Variants in HECTD2 observed in about 807,000 individuals in gnomAD.
HECTD2 encodes the protein HECT domain E3 ubiquitin protein ligase 2, also known as probable E3 ubiquitin-protein ligase HECTD2.
Under a neutral mutation model 103.2 loss-of-function variants are expected in HECTD2, and 35 were observed. The observed-to-expected ratio is 0.34, with a 90% CI of 0.26 to 0.45. The LOEUF (loss-of-function observed/expected upper bound fraction) is 0.45, where lower values mean the gene tolerates loss of function less well. HECTD2 is among the 20% of genes least tolerant of loss of function. The pLI is 1.00. For synonymous variants in HECTD2, 281 were observed against 329.9 expected (o/e 0.85, Z 1.61); for missense variants, 596 against 937.4 (o/e 0.64, Z 4.76).
chr10:91,455,276 G>A (rs1845033211), intron 2 of HECTD2, among the ~76,000 whole-genome samples: 1 of 152,176 alleles, frequency 6.6e-6, no homozygotes, highest in African/African-American at 2.4e-5. Flanking sequence ...CTGGGTGTGA[G>A]ATGGTATCTC....
intron 2 of HECTD2, among the ~76,000 whole-genome samples, chr10:91,445,314 A>T (rs767731586): frequency 2.6e-5 from 4 of 152,158 alleles, no homozygotes; most frequent in African/African-American, 4.8e-5. Flanking sequence ...AGTAGGAAGA[A>T]CCTGGGCTTC....
At chr10:91,457,707 G>A (rs1277338993) in intron 2 of HECTD2, among the ~76,000 whole-genome samples, 1 of 151,992 alleles carries the variant, frequency 6.6e-6, no homozygotes, top group Non-Finnish European at 1.5e-5. Flanking sequence ...ATGTAGTTGT[G>A]AAAGACTGAA....
chr10:91,444,017 C>T (rs943160082), intron 2 of HECTD2, among the ~76,000 whole-genome samples: 2 of 152,094 alleles, frequency 1.3e-5, no homozygotes, highest in African/African-American at 4.8e-5. Flanking sequence ...AAAAGGGCAT[C>T]TCAGCAGCAG....
chr10:91,468,927 C>T (rs1845624547), intron 5 of HECTD2, among the ~76,000 whole-genome samples: 1 of 116,682 alleles, frequency 8.6e-6, no homozygotes, highest in South Asian at 2.8e-4. Context: ...CAGAGTTAGA[C>T]ACTGTCTCAC....
intron 20 of HECTD2, among the ~76,000 whole-genome samples, chr10:91,506,480 A>G (rs1279511877): frequency 6.6e-6 from 1 of 151,802 alleles, no homozygotes. Context: ...CTACCATCAG[A>G]GAATACTACA....
rs1355217920 is a variant in HECTD2 at position 91,513,963 on chromosome 10, G to A, written c.*1579G>A. On this transcript the variant is annotated 3_prime_UTR_variant, in exon 21 of 21. Transcript: ENST00000298068. Reference sequence around the variant, plus strand: ...TCCATTTGGGTATATTATTTCAAGGGTATTTCTTCTTAAAAATCTTGGAAA... The same window carrying A: ...TCCATTTGGGTATATTATTTCAAGGATATTTCTTCTTAAAAATCTTGGAAA... 1.3e-5 allele frequency: 2 copies of A among 152,532 alleles called. No homozygotes were observed. Among genetic ancestry groups the A allele is most frequent in the African/African-American group, 4.8e-5 (2 of 41,432 alleles). 9.4% of individuals were successfully genotyped at this position (152,532 alleles called of 1,614,324 possible). A position where few individuals can be genotyped will look rare whatever the true frequency, so the allele number is the denominator to read the frequency against.
chr10:91,449,232 G>A (rs74332424), intron 2 of HECTD2, among the ~76,000 whole-genome samples: 1 of 152,138 alleles, frequency 6.6e-6, no homozygotes, highest in Admixed American at 6.6e-5. Flanking sequence ...TGGAATGCAA[G>A]GCTGGTTCAA....
rs750685770 is a variant in HECTD2 at position 91,483,087 on chromosome 10, C to T, written c.821+11C>T. 1 of 1,240,674 alleles carries T rather than the reference C, an allele frequency of 8.1e-7. No individual in the cohort carries two copies. The highest frequency in any genetic ancestry group is 1.3e-5 in the South Asian group (1 of 79,294). The allele number at this position is 1,240,674 out of a possible 1,614,324, so 76.9% of individuals were successfully genotyped here. ...TCACTGGTTTAAAAAGTAAATCATT[C>T]TATGATATTAAGAACTTTTATAGTC... On this transcript the variant is annotated intron_variant, in intron 8 of 20. Transcript: ENST00000298068.
chr10:91,499,703 T>C (rs536027862), intron 18 of HECTD2, among the ~76,000 whole-genome samples: 1 of 152,290 alleles, frequency 6.6e-6, no homozygotes, highest in African/African-American at 2.4e-5. Context: ...AGGATACCTT[T>C]CAGTCACCCC....
rs1245379252 is a variant in HECTD2, at chr10:91,478,591, T to C, written c.665+326T>C. Among the ~76,000 whole-genome samples the C allele has an allele frequency of 2.0e-5, 3 of 152,160 alleles. No homozygotes were observed. In the East Asian group the frequency reaches 5.8e-4, roughly 29 times the overall value. ...GTAACCTAACTGAAATAATGAGCAT[T>C]AAATTTAGCCTTGGGCTTCCTGGTA... On this transcript the variant is annotated intron_variant, in intron 6 of 20. Transcript: ENST00000298068.
chr10:91,508,859 G>T (rs1847304052), intron 20 of HECTD2, among the ~76,000 whole-genome samples: 1 of 151,968 alleles, frequency 6.6e-6, no homozygotes, highest in Non-Finnish European at 1.5e-5. Context: ...CAATAGCAAA[G>T]ACTTGGAACC....
intron 2 of HECTD2, among the ~76,000 whole-genome samples, chr10:91,426,144 T>TC (rs2133037205): frequency 6.6e-6 from 1 of 152,186 alleles, no homozygotes; most frequent in South Asian, 2.1e-4. Context: ...CTTTTGTACT[T>TC]TGAGCATAGA....
At chr10:91,425,245 G>A in intron 1 of HECTD2, 36 bp from the exon 2 acceptor site, 1 of 1,390,478 alleles carries the variant, frequency 7.2e-7, no homozygotes, top group East Asian at 2.6e-5. Flanking sequence ...ATAGGTAGTA[G>A]GAAGTATACT....
rs1844200521 is a variant in HECTD2, at chr10:91,437,880, T to C, written c.268+12470T>C. On this transcript the variant is annotated intron_variant, in intron 2 of 20. Coordinates refer to ENST00000298068, the MANE Select transcript of HECTD2 (RefSeq NM_182765.6). ...TGAATAGTTGTAGAGATGAAAGTGA[T>C]CTAAGAAATGATATAAACTAGTGGT... Among the ~76,000 whole-genome samples, 3 of 152,074 alleles carry C rather than the reference T, an allele frequency of 2.0e-5. No homozygotes were observed. The South Asian group carries it at 6.2e-4, about 32-fold the overall frequency.
Position 91,415,677 on chromosome 10 carries a change from C to G in HECTD2, c.138+5101C>G, listed in dbSNP as rs142335643. 1.7e-4 allele frequency among the ~76,000 whole-genome samples: 26 copies of G among 152,240 alleles called. No homozygotes were observed. In the East Asian group the frequency reaches 5.0e-3, roughly 29 times the overall value. ...ATTCTGAACACTCGACATTTGCGGT[C>G]ATAGGTAATAGGGACCATGTGGTAC... On this transcript the variant is annotated intron_variant, in intron 1 of 20. Transcript: ENST00000298068.
In HECTD2 at chr10:91,499,249, T is replaced by C. The variant is rs1036114085; in HGVS notation, c.1950+99T>C. 4.7e-6 allele frequency: 3 copies of C among 641,420 alleles called. No individual in the cohort carries two copies. In the African/African-American group the frequency reaches 5.7e-5, roughly 12 times the overall value. 39.7% of individuals were successfully genotyped at this position (641,420 alleles called of 1,614,324 possible). ...TATTTTAGTAGATAAGCTTTTAAAA[T>C]AGAAAATATTTTCTACTTTTTAAAA... On this transcript the variant is annotated intron_variant, in intron 18 of 20. Transcript: ENST00000298068.
chr10:91,472,749 A>T (rs1434841081), intron 5 of HECTD2, among the ~76,000 whole-genome samples: 1 of 152,252 alleles, frequency 6.6e-6, no homozygotes, highest in African/African-American at 2.4e-5. Context: ...CCACAGTGAC[A>T]TAACATCTCA....
intron 3 of HECTD2, among the ~76,000 whole-genome samples, 194 bp downstream of exon 3, chr10:91,460,759 C>T (rs1238977937): frequency 6.6e-6 from 1 of 152,018 alleles, no homozygotes; most frequent in Non-Finnish European, 1.5e-5. Context: ...GTTAGATAGG[C>T]TGCAGCAAAA....
At chr10:91,481,442 A>AGAAT (rs1846082516) in intron 7 of HECTD2, among the ~76,000 whole-genome samples, 1 of 151,788 alleles carries the variant, frequency 6.6e-6, no homozygotes, top group African/African-American at 2.4e-5. Flanking sequence ...AGGAACAAAC[A>AGAAT]GAATGGAAGC....
Sources: allele counts gnomAD v4.1 joint callset (sites outside exome capture counted in the v4.1 genomes callset), GRCh38; gene constraint gnomAD v4.1.1; transcripts MANE v1.5; gene names NCBI Gene and HGNC (gene_info 2026-07-23, HGNC 2026-07-21).